The following CFAP20DC variants were observed in gnomAD, a reference collection of about 807,000 sequenced individuals.
The protein encoded by CFAP20DC is CFAP20 domain containing.
A neutral mutation model predicts 101.7 loss-of-function variants in CFAP20DC; 84 were observed. The ratio of observed to expected loss-of-function variants is 0.83; its 90% CI spans 0.69 to 0.99. The LOEUF (loss-of-function observed/expected upper bound fraction) is 0.99. CFAP20DC is among the 50% of genes least tolerant of loss of function. The probability of loss-of-function intolerance (pLI) is 0.00; values close to 1 mark genes in which losing one functional copy is unlikely to be tolerated. For missense variants in CFAP20DC, 1,007 were observed against 970.3 expected, an observed-to-expected ratio of 1.04 and a Z score of -0.50; for synonymous variants, 359 against 351.2, an observed-to-expected ratio of 1.02 and a Z score of -0.25.
At chr3:58,816,754 G>T (rs1446373096) in intron 14 of CFAP20DC, among the ~76,000 whole-genome samples, 2 of 152,184 alleles carry the variant, frequency 1.3e-5, no homozygotes, top group African/African-American at 2.4e-5. Flanking sequence ...GGTAAACAAA[G>T]CAGCCAGGAA....
At chr3:59,043,687 C>G (rs1041704676) in intron 3 of CFAP20DC, among the ~76,000 whole-genome samples, 3 of 151,996 alleles carry the variant, frequency 2.0e-5, no homozygotes, top group African/African-American at 7.2e-5. Flanking sequence ...CAACAGAAAG[C>G]TCTGAAGAAG....
chr3:58,836,066 G>T (rs1245009457), intron 13 of CFAP20DC, among the ~76,000 whole-genome samples: 3 of 152,110 alleles, frequency 2.0e-5, no homozygotes, highest in African/African-American at 7.2e-5. Flanking sequence ...AGATTCGCAG[G>T]CCAGTCCTTC....
chr3:58,815,023 G>A (rs1443677273), intron 14 of CFAP20DC, among the ~76,000 whole-genome samples: 1 of 151,268 alleles, frequency 6.6e-6, no homozygotes, highest in Non-Finnish European at 1.5e-5. Context: ...AGTTCATATG[G>A]AACCAAAAAA....
intron 13 of CFAP20DC, among the ~76,000 whole-genome samples, chr3:58,837,929 A>G (rs528588648): frequency 1.3e-5 from 2 of 152,312 alleles, no homozygotes; most frequent in South Asian, 4.1e-4. Flanking sequence ...TTTAAATAAT[A>G]GCTGATGGTA....
chr3:58,929,469 T>C (rs149819182), intron 5 of CFAP20DC, among the ~76,000 whole-genome samples: 2 of 152,330 alleles, frequency 1.3e-5, no homozygotes, highest in African/African-American at 4.8e-5. Flanking sequence ...AGGAAATCAA[T>C]ACCTAAACAT....
chr3:58,941,562 T>A (rs955008263), intron 4 of CFAP20DC, among the ~76,000 whole-genome samples: 1 of 151,786 alleles, frequency 6.6e-6, no homozygotes, highest in Non-Finnish European at 1.5e-5. Context: ...ACTTTATAAC[T>A]TTCATTTCTT....
At chr3:58,866,886 ATTCT>A in intron 10 of CFAP20DC, among the ~76,000 whole-genome samples, 198 bp from the exon 11 acceptor site, 1 of 152,274 alleles carries the variant, frequency 6.6e-6, no homozygotes, top group East Asian at 1.9e-4. Flanking sequence ...TCACCTTAAA[ATTCT>A]TTGATACTTA....
At chr3:58,801,675 G>A (rs769291517) in intron 15 of CFAP20DC, among the ~76,000 whole-genome samples, 93 of 151,862 alleles carry the variant, frequency 6.1e-4, no homozygotes, top group Non-Finnish European at 9.7e-4. Context: ...GGAGCCACAC[G>A]GGTTACAACG....
chr3:58,984,591 T>C lies in CFAP20DC; in HGVS notation c.279-46829A>G, dbSNP rs116347974. Among the ~76,000 whole-genome samples the C allele has an allele frequency of 9.9e-3, 1,513 of 152,328 alleles. 28 individuals carry two copies. The highest frequency in any genetic ancestry group is 0.034 in the African/African-American group (1,420 of 41,566). On this transcript the variant is annotated intron_variant, in intron 4 of 16. Transcript: ENST00000482387. ...AGAAGTAATTTGACATTTCAAATTA[T>C]AGTTATTTAAAGACTCTTGAATTGC...
At chr3:58,794,428 A>G in intron 15 of CFAP20DC, 1 of 433,262 alleles carries the variant, frequency 2.3e-6, no homozygotes, top group South Asian at 1.6e-5. Context: ...TTTGCCTTCA[A>G]GTCATCTTAA....
At chr3:58,957,292 AACT>A (rs1419993279) in intron 4 of CFAP20DC, among the ~76,000 whole-genome samples, 1 of 152,230 alleles carries the variant, frequency 6.6e-6, no homozygotes, top group East Asian at 1.9e-4. Flanking sequence ...CGCAAATCAA[AACT>A]ATAGTGAGAT....
intron 15 of CFAP20DC, among the ~76,000 whole-genome samples, chr3:58,786,996 C>T (rs1302150248): frequency 2.6e-5 from 4 of 151,718 alleles, no homozygotes; most frequent in Non-Finnish European, 5.9e-5. Flanking sequence ...TAGACATCCA[C>T]TGGAGTCTTG....
chr3:58,733,839 T>C (rs1442222953), intron 3 of CFAP20DC, among the ~76,000 whole-genome samples: 1 of 152,262 alleles, frequency 6.6e-6, no homozygotes, highest in African/African-American at 2.4e-5. Flanking sequence ...ACTTATTGCA[T>C]GAAACTAATG....
chr3:59,013,735 G>A (rs1030401396), intron 4 of CFAP20DC, among the ~76,000 whole-genome samples: 2 of 151,958 alleles, frequency 1.3e-5, no homozygotes, highest in Admixed American at 6.6e-5. Context: ...AGCTATTTTT[G>A]TTATTGCAAA....
At position 58,986,603 on chromosome 3, in the gene CFAP20DC, T is replaced by C. The variant is rs79579741; in HGVS notation, c.279-48841A>G. ...GGGTTGGGTTGAGTAAAAAGTCGAC[T>C]GTGAGAAATTAAGTCCTTAAGACCA... On this transcript the variant is annotated intron_variant, in intron 4 of 16. Transcript: ENST00000482387. 2.0e-4 allele frequency among the ~76,000 whole-genome samples: 31 copies of C among 152,330 alleles called. No individual in the cohort carries two copies. In the East Asian group the frequency reaches 5.6e-3, roughly 27 times the overall value.
At chr3:59,048,369 T>C (rs1016166716) in intron 1 of CFAP20DC, among the ~76,000 whole-genome samples, 4 of 152,182 alleles carry the variant, frequency 2.6e-5, no homozygotes, top group Non-Finnish European at 4.4e-5. Flanking sequence ...TTAGGCAGTA[T>C]TACGTGCAAA....
intron 5 of CFAP20DC, among the ~76,000 whole-genome samples, chr3:58,932,761 C>G (rs967120900): frequency 6.6e-6 from 1 of 152,216 alleles, no homozygotes; most frequent in Admixed American, 6.5e-5. Flanking sequence ...CCTAAAAGAG[C>G]TCCTGAAGGA....
At chr3:59,039,368 G>GA (rs896599375) in intron 4 of CFAP20DC, among the ~76,000 whole-genome samples, 189 bp downstream of exon 4, 1 of 151,896 alleles carries the variant, frequency 6.6e-6, no homozygotes, top group African/African-American at 2.4e-5. Context: ...TTTTCCTAGG[G>GA]AAATGCCAGA....
chr3:59,047,960 G>A (rs971165399), intron 1 of CFAP20DC, among the ~76,000 whole-genome samples: 7 of 152,214 alleles, frequency 4.6e-5, no homozygotes, highest in East Asian at 3.9e-4. Context: ...ATATTTTTAC[G>A]TATGTAATAC....
Sources: allele counts gnomAD v4.1 joint callset (sites outside exome capture counted in the v4.1 genomes callset), GRCh38; gene constraint gnomAD v4.1.1; transcripts MANE v1.5; gene names NCBI Gene and HGNC (gene_info 2026-07-23, HGNC 2026-07-21).